FAM193A: variants seen among roughly 807,000 people sequenced by gnomAD.
The protein encoded by FAM193A is family with sequence similarity 193 member A.
A neutral mutation model predicts 126.5 loss-of-function variants in FAM193A; 22 were observed. The observed-to-expected ratio is 0.17, with a 90% confidence interval of 0.12 to 0.25. FAM193A has a LOEUF of 0.25. FAM193A is among the 10% of genes least tolerant of loss of function. FAM193A has a pLI of 1.00. For missense variants in FAM193A, 1,675 were observed against 1,672.8 expected (o/e 1.00, Z -0.02); for synonymous variants, 761 against 646.8 (o/e 1.18, Z -2.68).
At chr4:2,625,506 A>C (rs1194787686) in intron 3 of FAM193A, 111 bp downstream of exon 3, 2 of 542,862 alleles carry the variant, frequency 3.7e-6, no homozygotes. Flanking sequence ...CAACAAGAGT[A>C]AGGCAGTTGC....
chr4:2,603,154 A>G (rs1741310852), intron 2 of FAM193A, among the ~76,000 whole-genome samples: 1 of 144,974 alleles, frequency 6.9e-6, no homozygotes, highest in African/African-American at 2.6e-5. Flanking sequence ...GTATATATAT[A>G]TGTATATATA....
chr4:2,571,547 T>C (rs1739291897), intron 1 of FAM193A, among the ~76,000 whole-genome samples: 1 of 145,494 alleles, frequency 6.9e-6, no homozygotes, highest in African/African-American at 2.5e-5. Context: ...AGAGCAGAAC[T>C]TTTTTTTTTT....
chr4:2,671,709 T>TCG (rs1260737730), intron 12 of FAM193A, among the ~76,000 whole-genome samples: 1 of 152,216 alleles, frequency 6.6e-6, no homozygotes, highest in Non-Finnish European at 1.5e-5. Flanking sequence ...TAACCGGAAG[T>TCG]CGCGTCTCTG....
intron 2 of FAM193A, among the ~76,000 whole-genome samples, chr4:2,613,909 G>A (rs1194032106): frequency 1.3e-5 from 2 of 151,922 alleles, no homozygotes; most frequent in Non-Finnish European, 2.9e-5. Context: ...CGAGTAGCTG[G>A]GATTACAGGT....
At chr4:2,607,732 G>A (rs1014266864) in intron 2 of FAM193A, 6 of 360,266 alleles carry the variant, frequency 1.7e-5, no homozygotes, top group East Asian at 5.4e-5. Context: ...CCCTCGCTGC[G>A]GCTCTAGGCT....
chr4:2,563,879 C>T (rs1020157639), intron 1 of FAM193A, among the ~76,000 whole-genome samples: 1 of 152,156 alleles, frequency 6.6e-6, no homozygotes, highest in Non-Finnish European at 1.5e-5. Context: ...AGAGAAACAT[C>T]ACCTATAAAT....
chr4:2,728,368 C>T (rs1222272526), intron 20 of FAM193A, among the ~76,000 whole-genome samples: 1 of 151,720 alleles, frequency 6.6e-6, no homozygotes, highest in East Asian at 1.9e-4. Context: ...CCTCCCCAGC[C>T]CAACCCCACA....
intron 1 of FAM193A, among the ~76,000 whole-genome samples, chr4:2,589,188 C>A (rs1740389922): frequency 6.6e-6 from 1 of 152,166 alleles, no homozygotes; most frequent in South Asian, 2.1e-4. Flanking sequence ...ATAGGAAAAA[C>A]CACATTAGTA....
At chr4:2,679,143 C>A (rs570267106) in intron 13 of FAM193A, among the ~76,000 whole-genome samples, 38 of 152,224 alleles carry the variant, frequency 2.5e-4, no homozygotes, top group African/African-American at 8.9e-4. Context: ...GAATTTGTCA[C>A]ATGCTTTTTC....
chr4:2,709,853 G>C (rs2109346644), intron 19 of FAM193A, among the ~76,000 whole-genome samples: 1 of 152,276 alleles, frequency 6.6e-6, no homozygotes, highest in East Asian at 1.9e-4. Context: ...TGTGTTTTCT[G>C]TGGTCCTTGC....
intron 2 of FAM193A, among the ~76,000 whole-genome samples, chr4:2,618,299 A>G (rs551934119): frequency 3.9e-5 from 6 of 152,240 alleles, no homozygotes; most frequent in Non-Finnish European, 7.4e-5. Flanking sequence ...TAGTTTCCTC[A>G]AATTTAGAAA....
chr4:2,693,235 G>C (rs1042331769), intron 15 of FAM193A, among the ~76,000 whole-genome samples: 1 of 152,000 alleles, frequency 6.6e-6, no homozygotes. Flanking sequence ...AGTCAGGCTG[G>C]TCTCGATCTC....
At chr4:2,551,861 G>A (rs1226625268) in intron 1 of FAM193A, among the ~76,000 whole-genome samples, 1 of 151,362 alleles carries the variant, frequency 6.6e-6, no homozygotes, top group Non-Finnish European at 1.5e-5. Context: ...TATTTTAAGA[G>A]GCAGGGTCTT....
intron 1 of FAM193A, among the ~76,000 whole-genome samples, chr4:2,578,711 C>T (rs1486217609): frequency 6.6e-6 from 1 of 152,006 alleles, no homozygotes; most frequent in Non-Finnish European, 1.5e-5. Flanking sequence ...TATAAACATT[C>T]GATGAACAAA....
chr4:2,625,963 A>G (rs1742924310), intron 3 of FAM193A, among the ~76,000 whole-genome samples: 1 of 152,012 alleles, frequency 6.6e-6, no homozygotes, highest in Non-Finnish European at 1.5e-5. Context: ...GACTCAAACG[A>G]TTAGCCCGTC....
chr4:2,714,044 A>G (rs996742380), intron 19 of FAM193A, among the ~76,000 whole-genome samples: 2 of 152,212 alleles, frequency 1.3e-5, no homozygotes, highest in Non-Finnish European at 2.9e-5. Flanking sequence ...TTAGAAATCT[A>G]TTATGACAGC....
intron 2 of FAM193A, among the ~76,000 whole-genome samples, chr4:2,611,436 T>A (rs887474764): frequency 7.4e-5 from 11 of 148,368 alleles, no homozygotes; most frequent in African/African-American, 2.8e-4. Flanking sequence ...GCATAGTTAA[T>A]TTTTTTTTTG....
intron 16 of FAM193A, 21 bp from the exon 17 acceptor site, chr4:2,694,918 GCTGATGA>G: frequency 6.4e-7 from 1 of 1,559,936 alleles, no homozygotes; most frequent in Non-Finnish European, 8.6e-7. Context: ...CCGGCCACTT[GCTGATGA>G]GCTTGTATGC....
At chr4:2,600,101 A>G (rs1394615145) in intron 2 of FAM193A, among the ~76,000 whole-genome samples, 1 of 152,114 alleles carries the variant, frequency 6.6e-6, no homozygotes, top group African/African-American at 2.4e-5. Flanking sequence ...TTTCGTGATG[A>G]TGGCCAAGCT....
Sources: gnomAD v4.1 joint callset for allele counts (sites outside exome capture counted in the v4.1 genomes callset) on GRCh38, gnomAD v4.1.1 for gene constraint, MANE v1.5 for transcripts, NCBI Gene and HGNC (gene_info 2026-07-23, HGNC 2026-07-21) for gene names.